MTUS2: variants seen among roughly 807,000 people sequenced by gnomAD.
MTUS2 encodes microtubule-associated tumor suppressor candidate 2.
In MTUS2, 40 loss-of-function variants were observed where a neutral mutation model predicts 114.1. The observed-to-expected ratio is 0.35, with a 90% CI of 0.27 to 0.46. The LOEUF is 0.46. Among genes scored for constraint, MTUS2 ranks in the 20% least tolerant of loss-of-function variants. MTUS2 has a pLI of 1.00. For missense variants in MTUS2, 1,679 were observed against 1,705.4 expected (o/e 0.98, Z 0.27); for synonymous variants, 688 against 672.0 (o/e 1.02, Z -0.37).
At chr13:29,045,181 C>A (rs1241359905) in intron 4 of MTUS2, among the ~76,000 whole-genome samples, 2 of 152,122 alleles carry the variant, frequency 1.3e-5, no homozygotes, top group East Asian at 3.9e-4. Flanking sequence ...CATGATGTTC[C>A]TGGTTGTTAT....
At chr13:28,995,277 A>G (rs563872025) in intron 2 of MTUS2, among the ~76,000 whole-genome samples, 1 of 152,332 alleles carries the variant, frequency 6.6e-6, no homozygotes, top group Admixed American at 6.5e-5. Flanking sequence ...TTTTGGTACC[A>G]GTACCGTGCT....
intron 2 of MTUS2, among the ~76,000 whole-genome samples, chr13:28,935,238 T>G (rs913730956): frequency 6.6e-6 from 1 of 152,186 alleles, no homozygotes; most frequent in African/African-American, 2.4e-5. Context: ...GTTTTTCAGC[T>G]ATTCTGCATG....
chr13:28,997,120 A>C (rs1351375803), intron 2 of MTUS2, among the ~76,000 whole-genome samples: 1 of 152,216 alleles, frequency 6.6e-6, no homozygotes, highest in Non-Finnish European at 1.5e-5. Context: ...GTTTCAAAGA[A>C]CATCTTTATT....
At chr13:28,927,602 A>C (rs2138075772) in intron 2 of MTUS2, among the ~76,000 whole-genome samples, 1 of 152,304 alleles carries the variant, frequency 6.6e-6, no homozygotes, top group African/African-American at 2.4e-5. Context: ...CCTGCTTTTA[A>C]GTTCTCTACA....
At chr13:28,849,479 TCAACA>T (rs1876107313) in intron 2 of MTUS2, among the ~76,000 whole-genome samples, 1 of 151,952 alleles carries the variant, frequency 6.6e-6, no homozygotes, top group Admixed American at 6.6e-5. Context: ...AAAAGCAAAC[TCAACA>T]CAAACCTCTA....
intron 5 of MTUS2, among the ~76,000 whole-genome samples, chr13:29,198,645 T>C (rs544217963): frequency 6.6e-6 from 1 of 152,354 alleles, no homozygotes; most frequent in African/African-American, 2.4e-5. Context: ...ATTGAATCTA[T>C]AAATTACTTT....
At chr13:29,287,674 A>G (rs1326369681) in intron 6 of MTUS2, among the ~76,000 whole-genome samples, 1 of 152,226 alleles carries the variant, frequency 6.6e-6, no homozygotes, top group Non-Finnish European at 1.5e-5. Flanking sequence ...CCCTACAGGC[A>G]TCTGATATTT....
rs537550913 is a variant in MTUS2, at chr13:29,389,426, TAC to T, written c.3117+29956_3117+29957del. ...ATGTATACACGTGTGTGTGTATGTA[TAC>T]ACGTGTGTGTATGTGTATGTATACA... On this transcript the variant is annotated intron_variant, in intron 8 of 15. Coordinates refer to ENST00000612955, the MANE Select transcript of MTUS2 (RefSeq NM_001033602.4). 5.8e-3 allele frequency among the ~76,000 whole-genome samples: 778 copies of T among 133,890 alleles called. 109 individuals are homozygous for T. Among genetic ancestry groups the T allele is most frequent in the Admixed American group, 0.053 (689 of 12,968 alleles). 87.8% of individuals were successfully genotyped at this position (133,890 alleles called of 152,430 possible). A position where few individuals can be genotyped will look rare whatever the true frequency, so the allele number is the denominator to read the frequency against.
intron 1 of MTUS2, among the ~76,000 whole-genome samples, chr13:28,834,479 CTA>C (rs1874930317): frequency 6.6e-6 from 1 of 152,022 alleles, no homozygotes; most frequent in South Asian, 2.1e-4. Flanking sequence ...AACTAGATGC[CTA>C]TGTGTAAAAG....
chr13:29,425,874 C>T (rs1471401024), intron 8 of MTUS2, among the ~76,000 whole-genome samples: 1 of 132,504 alleles, frequency 7.5e-6, no homozygotes, highest in Non-Finnish European at 1.7e-5. Flanking sequence ...ATCCTCCAGT[C>T]TCGTGCTAAT....
At chr13:29,347,216 T>G (rs561048357) in intron 7 of MTUS2, among the ~76,000 whole-genome samples, 1,883 of 152,196 alleles carry the variant, frequency 0.012, 34 homozygotes, top group African/African-American at 0.042. Context: ...CTATTCTTTT[T>G]ACTCTTCTTC....
Position 29,026,576 on chromosome 13 carries a change from G to T in MTUS2, c.1878G>T (p.Arg626Ser). 1.2e-6 allele frequency: 2 copies of T among 1,613,840 alleles called. No homozygotes were observed. ...ENYQVEKTEE[R>S]TETKPIIMPK... is the part of the protein sequence containing the mutation. ...ATCAGGTTGAAAAAACAGAGGAGAG[G>T]ACAGAAACTAAGCCCATCATTATGC... Residue 626 changes from arginine to serine, a missense_variant, in exon 3 of 16, where the codon AGG (arginine) becomes AGT (serine). This residue lies in a region of MTUS2 where 843 missense variants were observed against 770.8 expected (regional missense o/e 1.09). Transcript: ENST00000612955.
chr13:29,373,327 C>T (rs186537331), intron 8 of MTUS2, among the ~76,000 whole-genome samples: 1 of 152,256 alleles, frequency 6.6e-6, no homozygotes, highest in East Asian at 1.9e-4. Context: ...TCTCCATGTA[C>T]ACATACCATC....
chr13:29,439,567 G>A (rs556750770), intron 8 of MTUS2, among the ~76,000 whole-genome samples: 22 of 152,238 alleles, frequency 1.4e-4, no homozygotes, highest in Non-Finnish European at 3.2e-4. Flanking sequence ...AAAACAGTTG[G>A]TAAAACAAGC....
At chr13:29,050,434 T>A (rs1887839069) in intron 4 of MTUS2, among the ~76,000 whole-genome samples, 1 of 152,116 alleles carries the variant, frequency 6.6e-6, no homozygotes, top group African/African-American at 2.4e-5. Flanking sequence ...GACCCCATCC[T>A]CACCACTCCA....
chr13:29,098,479 T>C (rs75219431), intron 4 of MTUS2, among the ~76,000 whole-genome samples: 2 of 150,798 alleles, frequency 1.3e-5, no homozygotes, highest in Admixed American at 1.3e-4. Context: ...TGTGCGTGCA[T>C]GCACACACAC....
At position 29,145,638 on chromosome 13, in the gene MTUS2, A is replaced by G. The variant is rs145752779; in HGVS notation, c.2644+44668A>G. Reference sequence around the variant, plus strand: ...TTGAAGACATGTGTGAGGTAGTCCAATTGAAAAATTGGACTTAGAGTGTTA... The same window carrying G: ...TTGAAGACATGTGTGAGGTAGTCCAGTTGAAAAATTGGACTTAGAGTGTTA... On this transcript the variant is annotated intron_variant, in intron 5 of 15. Coordinates refer to ENST00000612955, the MANE Select transcript of MTUS2 (RefSeq NM_001033602.4). Among the ~76,000 whole-genome samples, 793 of 152,294 alleles carry G rather than the reference A, an allele frequency of 5.2e-3. 5 individuals are homozygous for G. The highest frequency in any genetic ancestry group is 0.018 in the African/African-American group (755 of 41,558).
At chr13:29,375,638 T>C (rs541319439) in intron 8 of MTUS2, among the ~76,000 whole-genome samples, 161 of 8,150 alleles carry the variant, frequency 0.02, 21 homozygotes, top group African/African-American at 0.037. Flanking sequence ...TATATATATA[T>C]ACACACACCA....
intron 8 of MTUS2, among the ~76,000 whole-genome samples, chr13:29,413,317 A>G (rs1283649826): frequency 1.3e-5 from 2 of 152,186 alleles, no homozygotes; most frequent in African/African-American, 4.8e-5. Flanking sequence ...AGAAGACTGT[A>G]GATTTAAACG....
Sources: gnomAD v4.1 joint callset for allele counts (sites outside exome capture counted in the v4.1 genomes callset) on GRCh38, gnomAD v4.1.1 for gene constraint, gnomAD v4.1.1 regional missense constraint, MANE v1.5 for transcripts, NCBI Gene and HGNC (gene_info 2026-07-23, HGNC 2026-07-21) for gene names.